The following DKK2 variants were observed in gnomAD, a reference collection of about 807,000 sequenced individuals.
The protein encoded by DKK2 is dickkopf Wnt signaling pathway inhibitor 2.
DKK2 carries 11 observed loss-of-function variants against 28.1 expected under a neutral mutation model. That is an observed-to-expected ratio of 0.39 (90% CI 0.25 to 0.65). DKK2 has a LOEUF of 0.65. Ranked by LOEUF, DKK2 falls within the 30% of genes least tolerant of loss-of-function variation. The pLI is 0.47. For synonymous variants in DKK2, 135 were observed against 126.5 expected, an observed-to-expected ratio of 1.07 and a Z score of -0.45; for missense variants, 326 against 335.5, an observed-to-expected ratio of 0.97 and a Z score of 0.22.
At chr4:106,992,284 A>G (rs1239140283) in intron 1 of DKK2, among the ~76,000 whole-genome samples, 1 of 152,094 alleles carries the variant, frequency 6.6e-6, no homozygotes, top group African/African-American at 2.4e-5. Flanking sequence ...TAAGTACCAA[A>G]TTTTTCTACA....
intron 1 of DKK2, among the ~76,000 whole-genome samples, chr4:107,004,224 G>A (rs1165723819): frequency 1.3e-5 from 2 of 152,126 alleles, no homozygotes; most frequent in Non-Finnish European, 2.9e-5. Context: ...CATGCTGTGG[G>A]CATCTCACTT....
At chr4:106,961,856 G>T (rs1295628644) in intron 1 of DKK2, among the ~76,000 whole-genome samples, 1 of 152,128 alleles carries the variant, frequency 6.6e-6, no homozygotes, top group Non-Finnish European at 1.5e-5. Flanking sequence ...TTCTGAGAAT[G>T]ATGTATTATG....
chr4:106,972,670 C>T (rs530953631), intron 1 of DKK2, among the ~76,000 whole-genome samples: 1 of 152,128 alleles, frequency 6.6e-6, no homozygotes, highest in African/African-American at 2.4e-5. Flanking sequence ...GTTCTTAGAA[C>T]AGTGTCTAGC....
chr4:106,966,568 T>G (rs975366259), intron 1 of DKK2, among the ~76,000 whole-genome samples: 7 of 152,184 alleles, frequency 4.6e-5, no homozygotes, highest in Non-Finnish European at 1.0e-4. Context: ...AACAGCATGT[T>G]ATAAGCCCCT....
chr4:107,008,462 T>A (rs1277009633), intron 1 of DKK2, among the ~76,000 whole-genome samples: 3 of 151,954 alleles, frequency 2.0e-5, no homozygotes, highest in Admixed American at 2.0e-4. Context: ...TTGGAGAAAG[T>A]GATATAGGAT....
At chr4:106,936,873 A>G (rs1460224661) in intron 1 of DKK2, among the ~76,000 whole-genome samples, 2 of 150,904 alleles carry the variant, frequency 1.3e-5, no homozygotes, top group Admixed American at 6.6e-5. Context: ...ACTAAGCTTC[A>G]TAAGTGAAGG....
intron 1 of DKK2, among the ~76,000 whole-genome samples, chr4:106,947,194 T>G (rs971663677): frequency 6.6e-6 from 1 of 152,086 alleles, no homozygotes; most frequent in African/African-American, 2.4e-5. Context: ...GTAAAAATTT[T>G]CCAGGTATAT....
At chr4:106,967,623 C>G (rs919618343) in intron 1 of DKK2, among the ~76,000 whole-genome samples, 29 of 152,078 alleles carry the variant, frequency 1.9e-4, no homozygotes, top group Admixed American at 5.9e-4. Flanking sequence ...TGCCACAGAT[C>G]TGTCTTCTCT....
At chr4:107,029,826 T>G (rs2110377601) in intron 1 of DKK2, among the ~76,000 whole-genome samples, 1 of 152,296 alleles carries the variant, frequency 6.6e-6, no homozygotes, top group South Asian at 2.1e-4. Flanking sequence ...CTAGATTATT[T>G]TGTTTTAAAT....
chr4:106,925,466 G>A (rs1724411470), intron 2 of DKK2, among the ~76,000 whole-genome samples: 1 of 152,182 alleles, frequency 6.6e-6, no homozygotes, highest in South Asian at 2.1e-4. Flanking sequence ...ATTTGCAACT[G>A]CATTACTAAA....
At chr4:107,033,256 T>C (rs1432656845) in intron 1 of DKK2, among the ~76,000 whole-genome samples, 1 of 152,132 alleles carries the variant, frequency 6.6e-6, no homozygotes, top group Non-Finnish European at 1.5e-5. Context: ...TAAGTAAATA[T>C]AATAAAATAT....
At chr4:107,015,046 A>G (rs535344326) in intron 1 of DKK2, among the ~76,000 whole-genome samples, 1 of 151,560 alleles carries the variant, frequency 6.6e-6, no homozygotes, top group African/African-American at 2.4e-5. Context: ...CATTTTAAAC[A>G]TATCTTCTCG....
At chr4:106,983,306 GAAGA>G (rs1251699417) in intron 1 of DKK2, among the ~76,000 whole-genome samples, 3 of 110,314 alleles carry the variant, frequency 2.7e-5, no homozygotes, top group East Asian at 2.5e-4. Flanking sequence ...AAGAAAGGAA[GAAGA>G]AAGAAAGAAG....
At chr4:106,980,228 G>A (rs924680844) in intron 1 of DKK2, among the ~76,000 whole-genome samples, 10 of 151,446 alleles carry the variant, frequency 6.6e-5, no homozygotes, top group African/African-American at 2.2e-4. Flanking sequence ...TTTCAACTTA[G>A]ACTATATGGT....
At chr4:107,016,914 T>C (rs1184861570) in intron 1 of DKK2, among the ~76,000 whole-genome samples, 1 of 151,860 alleles carries the variant, frequency 6.6e-6, no homozygotes, top group Non-Finnish European at 1.5e-5. Flanking sequence ...AATATATAAA[T>C]GTGTAGTTCA....
chr4:106,993,509 C>T (rs1431893505), intron 1 of DKK2, among the ~76,000 whole-genome samples: 1 of 152,066 alleles, frequency 6.6e-6, no homozygotes, highest in Non-Finnish European at 1.5e-5. Context: ...ACGTTGGCTA[C>T]TTGGATTGCT....
chr4:106,945,383 A>C (rs1454118624), intron 1 of DKK2, among the ~76,000 whole-genome samples: 1 of 152,168 alleles, frequency 6.6e-6, no homozygotes, highest in Non-Finnish European at 1.5e-5. Flanking sequence ...ACAGATTTTC[A>C]AACACAGTGT....
chr4:106,996,132 T>C (rs1471823332), intron 1 of DKK2, among the ~76,000 whole-genome samples: 3 of 152,216 alleles, frequency 2.0e-5, no homozygotes, highest in Non-Finnish European at 4.4e-5. Flanking sequence ...TCAAAGAGAA[T>C]TGTATTGACA....
Position 106,923,955 on chromosome 4 carries a change from C to G in DKK2, c.779G>C (p.Ter260SerextTer12). 1 of 1,613,136 alleles carries G rather than the reference C, an allele frequency of 6.2e-7. No individual in the cohort carries two copies. Among genetic ancestry groups the G allele is most frequent in the Non-Finnish European group, 8.5e-7 (1 of 1,179,206 alleles). ...ATTGATGATGTTCCTCAATGGTGAT[C>G]AAATTTTCTGACACACATGGAGTCT... Reference protein sequence around the residue: ...KARLHVCQKI* With the variant: ...KARLHVCQKIS The change falls in exon 4 of 4, where the codon TGA (stop) becomes TCA (serine). Residue 260 changes from the stop codon to serine, a stop_lost. Coordinates refer to ENST00000285311, the MANE Select transcript of DKK2 (RefSeq NM_014421.3).
Sources: gnomAD v4.1 joint callset for allele counts (sites outside exome capture counted in the v4.1 genomes callset) on GRCh38, gnomAD v4.1.1 for gene constraint, MANE v1.5 for transcripts, NCBI Gene and HGNC (gene_info 2026-07-23, HGNC 2026-07-21) for gene names.